The following BEND7 variants were observed in gnomAD, a reference collection of about 807,000 sequenced individuals.
BEND7 encodes BEN domain-containing protein 7.
BEND7 carries 28 observed loss-of-function variants against 50.9 expected under a neutral mutation model. The observed-to-expected ratio is 0.55, with a 90% CI of 0.41 to 0.75. The LOEUF (loss-of-function observed/expected upper bound fraction) is 0.75. BEND7 is among the 30% of genes least tolerant of loss of function. The pLI is 0.00. For missense variants in BEND7, 477 were observed against 491.3 expected (o/e 0.97, Z 0.28); for synonymous variants, 170 against 183.9 (o/e 0.92, Z 0.61).
intron 5 of BEND7, among the ~76,000 whole-genome samples, chr10:13,490,446 C>T (rs1466082076): frequency 6.6e-6 from 1 of 152,178 alleles, no homozygotes; most frequent in Non-Finnish European, 1.5e-5. Context: ...GATGGGAATC[C>T]GGGGCTCACT....
chr10:13,439,183 G>T (rs1835049670), downstream of BEND7: 3 of 1,611,208 alleles, frequency 1.9e-6, no homozygotes, highest in Admixed American at 3.4e-5. Context: ...CAGAGAGAGA[G>T]GCAAGAGATG....
intron 1 of BEND7, among the ~76,000 whole-genome samples, chr10:13,526,771 T>G (rs2079477876): frequency 6.6e-6 from 1 of 152,380 alleles, no homozygotes; most frequent in South Asian, 2.1e-4. Context: ...CAAGTGACTC[T>G]TTCGCATTCA....
At chr10:13,448,610 A>G (rs1471032731) in intron 7 of BEND7, among the ~76,000 whole-genome samples, 2 of 152,196 alleles carry the variant, frequency 1.3e-5, no homozygotes, top group African/African-American at 4.8e-5. Flanking sequence ...GGCATTAATG[A>G]AAGACCCCTT....
chr10:13,481,269 G>T, intron 5 of BEND7, 145 bp from the exon 6 acceptor site: 2 of 749,042 alleles, frequency 2.7e-6, no homozygotes, highest in Non-Finnish European at 4.2e-6. Flanking sequence ...TGTCTGCCAG[G>T]ATCTGCTATT....
At chr10:13,527,207 AGT>A (rs2079498946) in intron 1 of BEND7, among the ~76,000 whole-genome samples, 1 of 150,662 alleles carries the variant, frequency 6.6e-6, no homozygotes, top group Non-Finnish European at 1.5e-5. Context: ...CAAGTAACTG[AGT>A]AATCAACACG....
At position 13,447,274 on chromosome 10, in the gene BEND7, G is replaced by A; in HGVS notation, c.1226C>T (p.Pro409Leu). 1 of 1,614,084 alleles carries A rather than the reference G, an allele frequency of 6.2e-7. No homozygotes were observed. The highest frequency in any genetic ancestry group is 8.5e-7 in the Non-Finnish European group (1 of 1,179,990). The change falls in exon 8 of 9, where the codon CCA becomes CTA. Residue 409 changes from proline (P) to leucine (L), a missense_variant. This residue lies in a region of BEND7 where 64 missense variants were observed against 68.5 expected (regional missense o/e 0.93). Transcript: ENST00000466271. ...AAATGCGTTTTATTTACCTGTTGGT[G>A]GTAGAGCAATGCCGTCCAGTCTTTC... The part of the protein sequence containing the change: ...SDERLDGIAL[P>L]PTVV
Position 13,447,328 on chromosome 10 carries a change from A to ATG in BEND7, c.1184-13_1184-12insCA. ...ACTGTCCGCGATCTCTGCTGGTTAC[A>ATG]AACATAAGACACAAATCTCATTAGT... is the stretch of plus-strand genomic sequence containing the variant. On this transcript the variant is annotated splice_polypyrimidine_tract_variant and intron_variant, in intron 7 of 8. Coordinates refer to ENST00000466271, the MANE Select transcript of BEND7 (RefSeq NM_001369863.1). 6.2e-7 allele frequency: 1 copy of ATG among 1,614,074 alleles called. No individual in the cohort carries two copies. Among genetic ancestry groups the ATG allele is most frequent in the South Asian group, 1.1e-5 (1 of 91,076 alleles).
At chr10:13,527,630 G>A (rs1421076961) in intron 1 of BEND7, among the ~76,000 whole-genome samples, 11 of 152,074 alleles carry the variant, frequency 7.2e-5, no homozygotes, top group Admixed American at 6.5e-5. Flanking sequence ...ATGAGGACTT[G>A]TGACATTACA....
Position 13,526,227 on chromosome 10 carries a change from A to G in BEND7, c.62-6T>C. On this transcript the variant is annotated splice_polypyrimidine_tract_variant and splice_region_variant and intron_variant, in intron 1 of 8. Transcript: ENST00000466271. ...ATACACCTCGTGGTGATAATCTGGC[A>G]TGAGAAAACAACCAAAAATTAGAAT... The G allele has an allele frequency of 5.5e-6, 7 of 1,284,266 alleles. No individual in the cohort carries two copies. Among genetic ancestry groups the G allele is most frequent in the Non-Finnish European group, 7.1e-6 (7 of 986,064 alleles). The allele number at this position is 1,284,266 out of a possible 1,614,324, so 79.6% of individuals were successfully genotyped here.
rs553077829 is a variant in BEND7 at position 13,470,431 on chromosome 10, T to TGTGACAAAAC, written c.1063+10467_1063+10468insGTTTTGTCAC. Among the ~76,000 whole-genome samples the TGTGACAAAAC allele has an allele frequency of 6.2e-3, 943 of 152,330 alleles. 7 individuals carry two copies. The highest frequency in any genetic ancestry group is 0.022 in the African/African-American group (921 of 41,578). ...GACAGGAGGCTGTTTTTGTCACCCC[T>TGTGACAAAAC]AGTGGTGGTGTTAAAATGCAGGTTT... On this transcript the variant is annotated intron_variant, in intron 6 of 8. Transcript: ENST00000466271.
intron 2 of BEND7, among the ~76,000 whole-genome samples, chr10:13,524,150 T>A (rs1343951385): frequency 5.9e-5 from 9 of 152,304 alleles, no homozygotes; most frequent in Non-Finnish European, 1.2e-4. Context: ...CCCTCTCTTA[T>A]CCTTACAATT....
At chr10:13,477,677 C>G (rs929744839) in intron 6 of BEND7, among the ~76,000 whole-genome samples, 1 of 152,188 alleles carries the variant, frequency 6.6e-6, no homozygotes, top group Non-Finnish European at 1.5e-5. Flanking sequence ...TATGTTTTAG[C>G]TTTCATTGGC....
At chr10:13,525,543 A>G (rs1373392497) in intron 2 of BEND7, among the ~76,000 whole-genome samples, 1 of 152,330 alleles carries the variant, frequency 6.6e-6, no homozygotes, top group East Asian at 1.9e-4. Flanking sequence ...GAAAATGAGG[A>G]GCTGCTTGAT....
chr10:13,448,215 T>A (rs1160633212), intron 7 of BEND7, among the ~76,000 whole-genome samples: 1 of 152,130 alleles, frequency 6.6e-6, no homozygotes, highest in African/African-American at 2.4e-5. Context: ...AACCTTCTGT[T>A]ACATGCGAAA....
intron 6 of BEND7, among the ~76,000 whole-genome samples, chr10:13,479,657 T>C (rs1389198698): frequency 6.6e-6 from 1 of 152,252 alleles, no homozygotes; most frequent in Admixed American, 6.5e-5. Flanking sequence ...GTCATGTTGT[T>C]TGTAGTGTCA....
intron 2 of BEND7, among the ~76,000 whole-genome samples, chr10:13,505,191 C>T (rs561233821): frequency 6.6e-6 from 1 of 152,216 alleles, no homozygotes; most frequent in Non-Finnish European, 1.5e-5. Flanking sequence ...CTATTCGCTG[C>T]ACTCCCGGTT....
intron 3 of BEND7, among the ~76,000 whole-genome samples, chr10:13,498,860 C>T (rs2077228733): frequency 6.6e-6 from 1 of 152,134 alleles, no homozygotes. Flanking sequence ...TGGGGTCCTT[C>T]GCTGTCTCAT....
chr10:13,499,382 G>A (rs1157582348), intron 3 of BEND7, among the ~76,000 whole-genome samples: 1 of 151,932 alleles, frequency 6.6e-6, no homozygotes, highest in Non-Finnish European at 1.5e-5. Context: ...AGGTGAAGGA[G>A]TAACCAAGAG....
intron 3 of BEND7, 67 bp from the exon 4 acceptor site, chr10:13,496,955 G>T (rs1286382604): frequency 3.2e-5 from 45 of 1,418,168 alleles, no homozygotes; most frequent in Non-Finnish European, 4.2e-5. Context: ...ATCATAAAGA[G>T]GTGGAGAGAA....
Sources: allele counts gnomAD v4.1 joint callset (sites outside exome capture counted in the v4.1 genomes callset), GRCh38; gene constraint gnomAD v4.1.1; regional missense constraint gnomAD v4.1.1; transcripts MANE v1.5; gene names NCBI Gene and HGNC (gene_info 2026-07-23, HGNC 2026-07-21).